PRKD1: variants seen among roughly 807,000 people sequenced by gnomAD.
PRKD1 encodes the protein protein kinase D1, also known as serine/threonine-protein kinase D1.
In PRKD1, 63 loss-of-function variants were observed where a neutral mutation model predicts 95.9. The observed-to-expected ratio is 0.66, with a 90% confidence interval of 0.54 to 0.81. PRKD1 has a LOEUF of 0.81. Ranked by LOEUF, PRKD1 falls within the 30% of genes least tolerant of loss-of-function variation. The pLI, the probability that PRKD1 is intolerant of heterozygous loss-of-function variation, is 0.00. For synonymous variants in PRKD1, 425 were observed against 423.1 expected (o/e 1.00, Z -0.05); for missense variants, 1,048 against 1,165.3 (o/e 0.90, Z 1.47).
chr14:29,848,394 C>A (rs987689235), intron 1 of PRKD1, among the ~76,000 whole-genome samples: 40 of 152,008 alleles, frequency 2.6e-4, no homozygotes, highest in African/African-American at 8.0e-4. Flanking sequence ...CTTTATTTTT[C>A]ACTTTTTTCC....
intron 2 of PRKD1, among the ~76,000 whole-genome samples, chr14:29,696,797 AAT>A (rs1475086670): frequency 1.1e-4 from 17 of 152,124 alleles, no homozygotes; most frequent in Admixed American, 1.1e-3. Flanking sequence ...GTTTCTGCTA[AAT>A]ATGTCTAGAT....
rs990389107 is a variant in PRKD1 at position 29,920,475 on chromosome 14, T to A, written c.264+6774A>T. On this transcript the variant is annotated intron_variant, in intron 1 of 17. Coordinates refer to ENST00000331968, the MANE Select transcript of PRKD1 (RefSeq NM_002742.3). Reference sequence around the variant, plus strand: ...GAAACTTCATGTTACCATCAACACCTATAAGACTGCATTCTACCAAGTTCT... The same window carrying A: ...GAAACTTCATGTTACCATCAACACCAATAAGACTGCATTCTACCAAGTTCT... Among the ~76,000 whole-genome samples, 5 of 152,204 alleles carry A rather than the reference T, an allele frequency of 3.3e-5. No homozygotes were observed. The East Asian group carries it at 9.7e-4, about 29-fold the overall frequency.
chr14:29,620,839 G>T (rs1193656280), intron 13 of PRKD1, among the ~76,000 whole-genome samples: 4 of 151,708 alleles, frequency 2.6e-5, no homozygotes, highest in African/African-American at 7.3e-5. Flanking sequence ...TATAACCAAA[G>T]GACTATAAAT....
Position 29,733,602 on chromosome 14 carries a change from T to C in PRKD1, c.265-7928A>G, listed in dbSNP as rs539923859. ...AGGTGAAGGGGAAGGCAAGACACCATCTTCACAAGGCTGCAGGAAGGAGAA... is the reference window on the plus strand; with the variant it reads ...AGGTGAAGGGGAAGGCAAGACACCACCTTCACAAGGCTGCAGGAAGGAGAA... On this transcript the variant is annotated intron_variant, in intron 1 of 17. Coordinates refer to ENST00000331968, the MANE Select transcript of PRKD1 (RefSeq NM_002742.3). 2.8e-4 allele frequency among the ~76,000 whole-genome samples: 43 copies of C among 152,198 alleles called. No homozygotes were observed. The South Asian group carries it at 8.9e-3, about 32-fold the overall frequency.
chr14:29,661,605 G>T (rs1360417706), intron 4 of PRKD1, among the ~76,000 whole-genome samples: 1 of 152,152 alleles, frequency 6.6e-6, no homozygotes, highest in African/African-American at 2.4e-5. Context: ...CTTTCTCAGG[G>T]ATTGGGTAAA....
Position 29,920,063 on chromosome 14 carries a change from AGG to A in PRKD1, c.264+7184_264+7185del, listed in dbSNP as rs1272891673. On this transcript the variant is annotated intron_variant, in intron 1 of 17. Transcript: ENST00000331968. ...AAGGAAGGAAGGAAGGAAGGAAGGAAGGAAAGAAGGAAGGAAGGAAGGAGAAA... is the reference window on the plus strand; with the variant it reads ...AAGGAAGGAAGGAAGGAAGGAAGGAAAAAGAAGGAAGGAAGGAAGGAGAAA... 6.8e-3 allele frequency among the ~76,000 whole-genome samples: 905 copies of A among 133,060 alleles called. 18 individuals carry two copies. Among genetic ancestry groups the A allele is most frequent in the East Asian group, 0.055 (260 of 4,686 alleles). The allele number at this position is 133,060 out of a possible 152,430, so 87.3% of individuals were successfully genotyped here. A position where few individuals can be genotyped will look rare whatever the true frequency, so the allele number is the denominator to read the frequency against.
At chr14:29,836,634 C>T (rs964438172) in intron 1 of PRKD1, among the ~76,000 whole-genome samples, 1 of 152,168 alleles carries the variant, frequency 6.6e-6, no homozygotes, top group Admixed American at 6.5e-5. Flanking sequence ...ACCACAGTCT[C>T]AGGAGCAAAA....
At chr14:29,671,944 AAGAG>A (rs1882869101) in intron 2 of PRKD1, among the ~76,000 whole-genome samples, 1 of 152,228 alleles carries the variant, frequency 6.6e-6, no homozygotes, top group Non-Finnish European at 1.5e-5. Context: ...TGAAAGATAA[AAGAG>A]AGAGATAAGC....
intron 4 of PRKD1, among the ~76,000 whole-genome samples, chr14:29,641,260 T>A (rs1024278848): frequency 3.9e-5 from 6 of 152,198 alleles, no homozygotes; most frequent in Non-Finnish European, 7.3e-5. Flanking sequence ...AAGATTTTAA[T>A]AGCATTAATA....
intron 1 of PRKD1, among the ~76,000 whole-genome samples, chr14:29,877,030 TA>T: frequency 6.6e-6 from 1 of 152,206 alleles, no homozygotes; most frequent in East Asian, 1.9e-4. Flanking sequence ...TGTGTGCCTG[TA>T]ACCCCAACTA....
chr14:29,910,132 A>G (rs1210029386), intron 1 of PRKD1, among the ~76,000 whole-genome samples: 2 of 152,150 alleles, frequency 1.3e-5, no homozygotes, highest in Non-Finnish European at 2.9e-5. Context: ...CTTTGGGTCC[A>G]CACTGCCTTT....
At chr14:29,593,199 C>A (rs1036231163) in intron 16 of PRKD1, among the ~76,000 whole-genome samples, 1 of 152,114 alleles carries the variant, frequency 6.6e-6, no homozygotes, top group African/African-American at 2.4e-5. Flanking sequence ...AAAGTGTGAG[C>A]TATTCATATT....
At chr14:29,666,602 A>C (rs1000892192) in intron 2 of PRKD1, among the ~76,000 whole-genome samples, 1 of 152,150 alleles carries the variant, frequency 6.6e-6, no homozygotes, top group Non-Finnish European at 1.5e-5. Flanking sequence ...AAAAGAAGAA[A>C]GTTGATGAAT....
chr14:29,715,618 T>G (rs1314141272), intron 2 of PRKD1, among the ~76,000 whole-genome samples: 1 of 152,144 alleles, frequency 6.6e-6, no homozygotes, highest in Non-Finnish European at 1.5e-5. Context: ...ACAAGAAATT[T>G]GTGCTGTCCA....
chr14:29,765,970 A>T (rs1338736865), intron 1 of PRKD1, among the ~76,000 whole-genome samples: 4 of 152,150 alleles, frequency 2.6e-5, no homozygotes, highest in Non-Finnish European at 5.9e-5. Context: ...TTTGCATGTT[A>T]TAACAATTTA....
intron 1 of PRKD1, chr14:29,751,155 C>T (rs980478290): frequency 6.6e-6 from 1 of 152,210 alleles, no homozygotes; most frequent in Non-Finnish European, 1.5e-5. Context: ...TGAGAGGGGA[C>T]ACTGACTCAA....
intron 16 of PRKD1, among the ~76,000 whole-genome samples, chr14:29,588,943 T>G (rs1036946650): frequency 6.6e-6 from 1 of 152,006 alleles, no homozygotes. Context: ...GACTCGGGAA[T>G]AGGTGCTTCT....
intron 11 of PRKD1, among the ~76,000 whole-genome samples, chr14:29,627,968 G>A (rs1879736085): frequency 6.6e-6 from 1 of 152,148 alleles, no homozygotes; most frequent in African/African-American, 2.4e-5. Flanking sequence ...AAAATCTTCA[G>A]TGGACAACAG....
At chr14:29,873,253 G>A (rs1893175204) in intron 1 of PRKD1, among the ~76,000 whole-genome samples, 1 of 151,848 alleles carries the variant, frequency 6.6e-6, no homozygotes, top group Admixed American at 6.6e-5. Flanking sequence ...ACCTGGCTAA[G>A]TTTTTGTATT....
Sources: allele counts gnomAD v4.1 joint callset (sites outside exome capture counted in the v4.1 genomes callset), GRCh38; gene constraint gnomAD v4.1.1; transcripts MANE v1.5; gene names NCBI Gene and HGNC (gene_info 2026-07-23, HGNC 2026-07-21).